Variants in MACROD2 observed in about 807,000 individuals in gnomAD.
MACROD2 encodes ADP-ribose glycohydrolase MACROD2.
MACROD2 carries 36 observed loss-of-function variants against 70.4 expected under a neutral mutation model. That is an observed-to-expected ratio of 0.51 (90% CI 0.39 to 0.68). The LOEUF (loss-of-function observed/expected upper bound fraction) is 0.68, where lower values mean the gene tolerates loss of function less well. Ranked by LOEUF, MACROD2 falls within the 30% of genes least tolerant of loss-of-function variation. The pLI, the probability that MACROD2 is intolerant of heterozygous loss-of-function variation, is 0.00. For missense variants in MACROD2, 496 were observed against 538.4 expected, an observed-to-expected ratio of 0.92 and a Z score of 0.78; for synonymous variants, 172 against 178.8, an observed-to-expected ratio of 0.96 and a Z score of 0.30.
intron 9 of MACROD2, among the ~76,000 whole-genome samples, chr20:15,877,097 G>A (rs993953988): frequency 6.6e-6 from 1 of 152,008 alleles, no homozygotes; most frequent in Non-Finnish European, 1.5e-5. Context: ...TTCTCACTTT[G>A]GACTGGGCAC....
At chr20:15,771,203 C>G (rs1011752336) in intron 8 of MACROD2, among the ~76,000 whole-genome samples, 3 of 152,010 alleles carry the variant, frequency 2.0e-5, no homozygotes, top group South Asian at 4.1e-4. Flanking sequence ...GAGACAAGGT[C>G]TCCCTCTGTT....
At chr20:15,351,582 C>T (rs980111551) in intron 6 of MACROD2, among the ~76,000 whole-genome samples, 3 of 152,148 alleles carry the variant, frequency 2.0e-5, no homozygotes, top group Non-Finnish European at 2.9e-5. Context: ...TGAGTTTGAT[C>T]AGTGTCCTTT....
intron 2 of MACROD2, among the ~76,000 whole-genome samples, chr20:14,078,049 T>A (rs1385530702): frequency 2.0e-5 from 3 of 151,052 alleles, no homozygotes; most frequent in Non-Finnish European, 3.0e-5. Flanking sequence ...ATTACAGACA[T>A]GTGCCACCAC....
chr20:14,430,567 A>C (rs1170751458), intron 3 of MACROD2, among the ~76,000 whole-genome samples: 1 of 152,186 alleles, frequency 6.6e-6, no homozygotes, highest in East Asian at 1.9e-4. Flanking sequence ...CAGAAAACAC[A>C]GAGGACGAAC....
intron 5 of MACROD2, chr20:14,895,668 A>T (rs2073819245): frequency 6.6e-6 from 1 of 152,302 alleles, no homozygotes; most frequent in Admixed American, 6.5e-5. Flanking sequence ...CCTCTTTATA[A>T]GAATCTTCAA....
intron 5 of MACROD2, among the ~76,000 whole-genome samples, chr20:14,780,063 C>T (rs2072280662): frequency 2.0e-5 from 3 of 152,016 alleles, no homozygotes; most frequent in Admixed American, 2.0e-4. Flanking sequence ...CAATGCCACA[C>T]TTAAAAAAGT....
At chr20:14,351,091 CT>C (rs1568572625) in intron 3 of MACROD2, among the ~76,000 whole-genome samples, 1 of 152,156 alleles carries the variant, frequency 6.6e-6, no homozygotes, top group Non-Finnish European at 1.5e-5. Flanking sequence ...GTTCTCTATT[CT>C]GTTCCATTGA....
intron 5 of MACROD2, among the ~76,000 whole-genome samples, chr20:14,742,006 A>C (rs1214578712): frequency 6.6e-6 from 1 of 152,206 alleles, no homozygotes; most frequent in Non-Finnish European, 1.5e-5. Flanking sequence ...ATGATAGTTC[A>C]AGAATATAAC....
At chr20:14,517,983 A>G (rs2085121782) in intron 4 of MACROD2, among the ~76,000 whole-genome samples, 2 of 151,814 alleles carry the variant, frequency 1.3e-5, no homozygotes, top group South Asian at 4.1e-4. Flanking sequence ...TTTTTTGTAA[A>G]CATTTTTGAC....
intron 15 of MACROD2, among the ~76,000 whole-genome samples, chr20:15,997,467 T>C (rs1256354747): frequency 6.6e-6 from 1 of 152,202 alleles, no homozygotes; most frequent in African/African-American, 2.4e-5. Context: ...GATGCTACTA[T>C]AAATGGATAG....
chr20:15,397,603 C>G (rs907851055), intron 6 of MACROD2, among the ~76,000 whole-genome samples: 1 of 152,162 alleles, frequency 6.6e-6, no homozygotes, highest in Non-Finnish European at 1.5e-5. Flanking sequence ...GGCCTAGCCT[C>G]TTGCATTTTC....
At chr20:14,105,129 T>C (rs2148681343) in intron 3 of MACROD2, among the ~76,000 whole-genome samples, 1 of 152,200 alleles carries the variant, frequency 6.6e-6, no homozygotes, top group South Asian at 2.1e-4. Flanking sequence ...ACCATTTGTC[T>C]CTCCTGTAGG....
chr20:15,896,294 C>G (rs1016515292), intron 10 of MACROD2, among the ~76,000 whole-genome samples: 9 of 152,160 alleles, frequency 5.9e-5, no homozygotes, highest in Non-Finnish European at 1.2e-4. Context: ...CACTTCCCAC[C>G]CTCACAGGTA....
chr20:15,647,420 G>C (rs1363189159), intron 8 of MACROD2, among the ~76,000 whole-genome samples: 1 of 152,008 alleles, frequency 6.6e-6, no homozygotes, highest in Non-Finnish European at 1.5e-5. Context: ...AAGTCATAGA[G>C]TTAGCAAAGG....
intron 8 of MACROD2, among the ~76,000 whole-genome samples, chr20:15,660,814 C>G (rs931653794): frequency 6.6e-6 from 1 of 150,696 alleles, no homozygotes; most frequent in East Asian, 2.0e-4. Flanking sequence ...GCCAAACATT[C>G]AGACCCTTCA....
intron 3 of MACROD2, among the ~76,000 whole-genome samples, chr20:14,466,013 T>C (rs2084442674): frequency 6.6e-6 from 1 of 152,062 alleles, no homozygotes; most frequent in Admixed American, 6.6e-5. Flanking sequence ...TTATGTGTCT[T>C]GGAGTTGCTC....
At chr20:14,035,389 C>T (rs2148635327) in intron 2 of MACROD2, among the ~76,000 whole-genome samples, 1 of 152,292 alleles carries the variant, frequency 6.6e-6, no homozygotes, top group East Asian at 1.9e-4. Context: ...ACTAATTAGA[C>T]ATTAACAAGA....
chr20:14,981,049 T>TGC (rs1451326779), intron 5 of MACROD2, among the ~76,000 whole-genome samples: 1 of 151,540 alleles, frequency 6.6e-6, no homozygotes, highest in Non-Finnish European at 1.5e-5. Context: ...TGTGTGTGTG[T>TGC]GTGCATGTGT....
At chr20:15,288,682 T>C (rs1342710931) in intron 6 of MACROD2, among the ~76,000 whole-genome samples, 1 of 152,158 alleles carries the variant, frequency 6.6e-6, no homozygotes, top group Non-Finnish European at 1.5e-5. Context: ...GTCTTCGGAC[T>C]CTGGAACTTG....
Sources: gnomAD v4.1 joint callset for allele counts (sites outside exome capture counted in the v4.1 genomes callset) on GRCh38, gnomAD v4.1.1 for gene constraint, MANE v1.5 for transcripts, NCBI Gene and HGNC (gene_info 2026-07-23, HGNC 2026-07-21) for gene names.